The following PEBP4 variants were observed in gnomAD, a reference collection of about 807,000 sequenced individuals.
The protein encoded by PEBP4 is phosphatidylethanolamine-binding protein 4.
In PEBP4, 22 loss-of-function variants were observed where a neutral mutation model predicts 23.9. The observed-to-expected ratio is 0.92, with a 90% CI of 0.66 to 1.31. The LOEUF (loss-of-function observed/expected upper bound fraction) is 1.31, where lower values mean the gene tolerates loss of function less well. Among genes scored for constraint, PEBP4 ranks in the 40% most tolerant of loss-of-function variants. The pLI, the probability that PEBP4 is intolerant of heterozygous loss-of-function variation, is 0.00. For missense variants in PEBP4, 324 were observed against 281.7 expected (o/e 1.15, Z -1.07); for synonymous variants, 112 against 99.3 (o/e 1.13, Z -0.76).
At chr8:22,914,282 G>T (rs1316475289) in intron 3 of PEBP4, among the ~76,000 whole-genome samples, 3 of 151,988 alleles carry the variant, frequency 2.0e-5, no homozygotes, top group Non-Finnish European at 4.4e-5. Flanking sequence ...ATAAGGCCTG[G>T]TTAACTTCAT....
At chr8:22,854,477 G>C (rs1389982294) in intron 3 of PEBP4, among the ~76,000 whole-genome samples, 1 of 152,134 alleles carries the variant, frequency 6.6e-6, no homozygotes, top group Non-Finnish European at 1.5e-5. Flanking sequence ...GAACGTGCCT[G>C]GTGGAAATGA....
At chr8:22,905,284 T>TA (rs566107670) in intron 3 of PEBP4, among the ~76,000 whole-genome samples, 1,716 of 147,932 alleles carry the variant, frequency 0.012, 34 homozygotes, top group African/African-American at 0.038. Flanking sequence ...CCTTTTTTTT[T>TA]AAAAAAAAAA....
chr8:22,898,527 C>T (rs1808642982), intron 3 of PEBP4, among the ~76,000 whole-genome samples: 1 of 150,762 alleles, frequency 6.6e-6, no homozygotes, highest in African/African-American at 2.4e-5. Context: ...ATCAGTGGCT[C>T]AATCTAATAC....
At chr8:22,927,128 C>T (rs1445101116) in intron 2 of PEBP4, among the ~76,000 whole-genome samples, 1 of 152,220 alleles carries the variant, frequency 6.6e-6, no homozygotes, top group Non-Finnish European at 1.5e-5. Context: ...TGCACAAACG[C>T]TCCTGGGTCC....
At chr8:22,819,138 A>T (rs1806806546) in intron 3 of PEBP4, among the ~76,000 whole-genome samples, 1 of 151,816 alleles carries the variant, frequency 6.6e-6, no homozygotes. Context: ...TCAGTAGAGC[A>T]GACACAGAGA....
At chr8:22,750,105 C>CAGTCTGTG (rs1418230676) in intron 4 of PEBP4, among the ~76,000 whole-genome samples, 1 of 151,460 alleles carries the variant, frequency 6.6e-6, no homozygotes, top group African/African-American at 2.4e-5. Flanking sequence ...CGCACCCAGC[C>CAGTCTGTG]TTTCTTTCTT....
chr8:22,796,257 C>CGTGTGTGTGT (rs34887072), intron 4 of PEBP4, among the ~76,000 whole-genome samples: 3 of 149,870 alleles, frequency 2.0e-5, no homozygotes, highest in African/African-American at 4.9e-5. Flanking sequence ...CTCAAGTGTG[C>CGTGTGTGTGT]GTGTGTGTGT....
At chr8:22,847,650 G>T (rs1018226137) in intron 3 of PEBP4, among the ~76,000 whole-genome samples, 1 of 152,160 alleles carries the variant, frequency 6.6e-6, no homozygotes, top group African/African-American at 2.4e-5. Context: ...GGCAGCCCCA[G>T]GAAGTAGGTC....
rs1271045659 is a variant in PEBP4, at chr8:22,920,192, C to T, written c.250G>A (p.Ala84Thr). ...WMEPIVKFPG[A>T]VDGATYILVM... is the part of the protein sequence containing the mutation. ...CAGCCCTGCTCACTCACGTCCACGG[C>T]CCCCGGGAACTTGACTATCGGCTCC... The change falls in exon 3 of 7, where the codon GCC becomes ACC. Residue 84 changes from alanine (A) to threonine (T), a missense_variant. Ala to Thr is a moderately conservative substitution (Grantham distance 58). Transcript: ENST00000256404. 1 of 1,611,106 alleles carries T rather than the reference C, an allele frequency of 6.2e-7. No homozygotes were observed. Among genetic ancestry groups the T allele is most frequent in the Non-Finnish European group, 8.5e-7 (1 of 1,177,824 alleles).
intron 3 of PEBP4, among the ~76,000 whole-genome samples, chr8:22,833,942 G>C (rs952219760): frequency 1.3e-5 from 2 of 152,202 alleles, no homozygotes; most frequent in East Asian, 3.9e-4. Flanking sequence ...CCTGAAGTCC[G>C]TAGCCAAATC....
intron 4 of PEBP4, among the ~76,000 whole-genome samples, chr8:22,785,868 C>T (rs541340934): frequency 9.2e-5 from 14 of 152,308 alleles, no homozygotes; most frequent in Non-Finnish European, 1.3e-4. Context: ...CTGGAGACAA[C>T]GGGGCTACTC....
At chr8:22,803,016 G>A (rs2128759114) in intron 4 of PEBP4, among the ~76,000 whole-genome samples, 1 of 152,232 alleles carries the variant, frequency 6.6e-6, no homozygotes, top group African/African-American at 2.4e-5. Flanking sequence ...AGCTCTTTCT[G>A]GAATATCACT....
intron 3 of PEBP4, among the ~76,000 whole-genome samples, chr8:22,893,037 A>G (rs748009655): frequency 6.6e-6 from 1 of 152,228 alleles, no homozygotes; most frequent in Non-Finnish European, 1.5e-5. Context: ...TTGAGTCTTC[A>G]GATGAGTACA....
intron 3 of PEBP4, among the ~76,000 whole-genome samples, chr8:22,840,542 T>A (rs1475186628): frequency 1.3e-5 from 2 of 151,986 alleles, no homozygotes; most frequent in Admixed American, 1.3e-4. Context: ...GTGCCCAGCC[T>A]TGGTTCTTTT....
chr8:22,787,995 C>T (rs543091898), intron 4 of PEBP4, among the ~76,000 whole-genome samples: 18 of 152,142 alleles, frequency 1.2e-4, no homozygotes, highest in East Asian at 5.8e-4. Context: ...AGGCGTGCAA[C>T]GGGCCCACAG....
At chr8:22,900,676 C>T (rs1214333586) in intron 3 of PEBP4, among the ~76,000 whole-genome samples, 1 of 150,294 alleles carries the variant, frequency 6.7e-6, no homozygotes, top group African/African-American at 2.5e-5. Flanking sequence ...AAAAAGATAT[C>T]TTATTTCCTT....
At chr8:22,796,242 C>T (rs1806256411) in intron 4 of PEBP4, among the ~76,000 whole-genome samples, 1 of 147,540 alleles carries the variant, frequency 6.8e-6, no homozygotes, top group African/African-American at 2.5e-5. Context: ...GTTTTCTCAG[C>T]AATTCTCAAG....
At chr8:22,742,876 TGGG>T (rs1158176714) in intron 4 of PEBP4, among the ~76,000 whole-genome samples, 2 of 152,156 alleles carry the variant, frequency 1.3e-5, no homozygotes, top group African/African-American at 4.8e-5. Context: ...TGTCCCTGTA[TGGG>T]GCGGCTTGCA....
intron 3 of PEBP4, among the ~76,000 whole-genome samples, chr8:22,913,774 T>C (rs1809002208): frequency 6.6e-6 from 1 of 152,244 alleles, no homozygotes; most frequent in South Asian, 2.1e-4. Context: ...TTCTGCTGTA[T>C]TTTGACACTG....
Sources: gnomAD v4.1 joint callset for allele counts (sites outside exome capture counted in the v4.1 genomes callset) on GRCh38, gnomAD v4.1.1 for gene constraint, MANE v1.5 for transcripts, NCBI Gene and HGNC (gene_info 2026-07-23, HGNC 2026-07-21) for gene names.